ATP6V1E2: variants seen among roughly 807,000 people sequenced by gnomAD.
The protein encoded by ATP6V1E2 is ATPase H+ transporting V1 subunit E2, also known as V-type proton ATPase subunit E 2.
For missense variants in ATP6V1E2, 308 were observed against 273.3 expected (o/e 1.13, Z -0.90); for synonymous variants, 121 against 104.2 (o/e 1.16, Z -0.98).
chr2:46,532,965 C>T (rs1037360751), intron 4 of ATP6V1E2, among the ~76,000 whole-genome samples: 11 of 151,826 alleles, frequency 7.2e-5, no homozygotes, highest in African/African-American at 2.7e-4. Context: ...GTTTTTCTAT[C>T]CCTTTTGTTA....
At chr2:46,536,395 G>C (rs1200182221) in intron 3 of ATP6V1E2, among the ~76,000 whole-genome samples, 2 of 152,232 alleles carry the variant, frequency 1.3e-5, no homozygotes, top group African/African-American at 4.8e-5. Context: ...AGTGCAAAGA[G>C]AAGAGGGTGC....
At chr2:46,513,158 C>CAGGA (rs1159019417) in intron 4 of ATP6V1E2, among the ~76,000 whole-genome samples, 4 of 152,014 alleles carry the variant, frequency 2.6e-5, no homozygotes, top group African/African-American at 9.7e-5. Flanking sequence ...CATTTGGGGT[C>CAGGA]AGGAGGGTTG....
chr2:46,511,949 G>T lies in ATP6V1E2; in HGVS notation c.*82C>A, dbSNP rs539261391. The T allele has an allele frequency of 4.9e-5, 62 of 1,253,234 alleles. No individual in the cohort carries two copies. In the South Asian group the frequency reaches 8.1e-4, roughly 16 times the overall value. The allele number at this position is 1,253,234 out of a possible 1,614,324, so 77.6% of individuals were successfully genotyped here. On this transcript the variant is annotated 3_prime_UTR_variant, in exon 5 of 5. Transcript: ENST00000522587. ...ACAGTATCAGAGCATCAAAGAGGAG[G>T]AAACACTACTAGTTTCCTTTCCCCA... is the stretch of plus-strand genomic sequence containing the variant.
At chr2:46,540,613 CTTTTTTTTTTTTTT>C (rs59810518) in intron 2 of ATP6V1E2, among the ~76,000 whole-genome samples, 187 of 115,592 alleles carry the variant, frequency 1.6e-3, no homozygotes, top group Admixed American at 5.2e-3. Context: ...TTTTCTGTAA[CTTTTTTTTTTTTTT>C]TTTTTTTTTT....
At chr2:46,534,000 T>A (rs1045735666) in intron 4 of ATP6V1E2, among the ~76,000 whole-genome samples, 8 of 152,216 alleles carry the variant, frequency 5.3e-5, no homozygotes. Context: ...AATTTTTTTC[T>A]ACTTATTACT....
At chr2:46,525,908 A>C (rs1666896386) in intron 4 of ATP6V1E2, among the ~76,000 whole-genome samples, 1 of 152,150 alleles carries the variant, frequency 6.6e-6, no homozygotes, top group Non-Finnish European at 1.5e-5. Context: ...CCAAAAAAAA[A>C]AAAAAGCCCT....
intron 4 of ATP6V1E2, among the ~76,000 whole-genome samples, chr2:46,515,158 A>G (rs1406802836): frequency 6.6e-6 from 1 of 152,230 alleles, no homozygotes; most frequent in African/African-American, 2.4e-5. Flanking sequence ...TTGAAACAGA[A>G]GGCCACTAGA....
chr2:46,512,215 T>C lies in ATP6V1E2; in HGVS notation c.497A>G (p.Gln166Arg). ...MTISQKHVEV[Q>R]IDKEAYLAVN... ...AGCCAGGTATGCCTCTTTATCAATCTGGACCTCCACATGTTTCTGGGAAAT... is the reference window on the plus strand; with the variant it reads ...AGCCAGGTATGCCTCTTTATCAATCCGGACCTCCACATGTTTCTGGGAAAT... The change falls in exon 5 of 5, where the codon CAG becomes CGG. Residue 166 changes from glutamine (Q) to arginine (R), a missense_variant. Transcript: ENST00000522587. 6.2e-7 allele frequency: 1 copy of C among 1,614,176 alleles called. No homozygotes were observed. Among genetic ancestry groups the C allele is most frequent in the Non-Finnish European group, 8.5e-7 (1 of 1,180,032 alleles).
chr2:46,540,613 C>CTTTTTTTTTTTTTT (rs59810518), intron 2 of ATP6V1E2, among the ~76,000 whole-genome samples: 10 of 115,612 alleles, frequency 8.6e-5, no homozygotes, highest in South Asian at 3.2e-4. Context: ...TTTTCTGTAA[C>CTTTTTTTTTTTTTT]TTTTTTTTTT....
chr2:46,517,235 A>G (rs533739633), intron 4 of ATP6V1E2, among the ~76,000 whole-genome samples: 1 of 152,350 alleles, frequency 6.6e-6, no homozygotes, highest in East Asian at 1.9e-4. Flanking sequence ...TAATGGGGGA[A>G]AGATAGCCTC....
At chr2:46,514,418 A>G (rs1687620947) in intron 4 of ATP6V1E2, among the ~76,000 whole-genome samples, 1 of 152,234 alleles carries the variant, frequency 6.6e-6, no homozygotes, top group Admixed American at 6.5e-5. Flanking sequence ...GGGATGCTCA[A>G]CAAGCCCAGG....
intron 4 of ATP6V1E2, among the ~76,000 whole-genome samples, chr2:46,531,742 C>T (rs1014687956): frequency 6.6e-6 from 1 of 152,178 alleles, no homozygotes; most frequent in African/African-American, 2.4e-5. Flanking sequence ...AAAGGGGTAC[C>T]TCATTGAGGT....
chr2:46,534,075 T>G (rs1344679823), intron 4 of ATP6V1E2, among the ~76,000 whole-genome samples: 3 of 152,222 alleles, frequency 2.0e-5, no homozygotes, highest in Admixed American at 6.5e-5. Context: ...TTCTCCTACT[T>G]TGGATTTGTT....
intron 4 of ATP6V1E2, among the ~76,000 whole-genome samples, chr2:46,516,070 C>T (rs1687698717): frequency 6.6e-6 from 1 of 152,100 alleles, no homozygotes; most frequent in Non-Finnish European, 1.5e-5. Context: ...GACAGCAATA[C>T]AATAATAGTA....
chr2:46,513,984 T>G (rs2103824048), intron 4 of ATP6V1E2, among the ~76,000 whole-genome samples: 1 of 152,250 alleles, frequency 6.6e-6, no homozygotes, highest in African/African-American at 2.4e-5. Context: ...TTGGAGGATC[T>G]TTAAGAAATA....
chr2:46,539,605 A>G (rs558972396), intron 2 of ATP6V1E2, among the ~76,000 whole-genome samples: 1 of 152,348 alleles, frequency 6.6e-6, no homozygotes, highest in South Asian at 2.1e-4. Context: ...TATGGCTTTC[A>G]GAAGCTCATG....
chr2:46,535,802 C>T lies in ATP6V1E2; in HGVS notation c.-102+11G>A, dbSNP rs1178963949. ...AGGAAGGGATATTCTTTTCTTCCCA[C>T]CAAGGCTCACCATGTAGAAGATTCT... On this transcript the variant is annotated intron_variant, in intron 4 of 4. Transcript: ENST00000522587. This position sits in a 1 kb window ranked among gnomAD's most constrained non-coding sequence, Gnocchi z 4.4. 1 of 152,238 alleles carries T rather than the reference C, an allele frequency of 6.6e-6. No homozygotes were observed. Among genetic ancestry groups the T allele is most frequent in the South Asian group, 2.1e-4 (1 of 4,834 alleles). The allele number at this position is 152,238 out of a possible 1,614,324, so 9.4% of individuals were successfully genotyped here.
chr2:46,537,770 T>C (rs1667522850), intron 2 of ATP6V1E2, among the ~76,000 whole-genome samples: 1 of 152,166 alleles, frequency 6.6e-6, no homozygotes, highest in South Asian at 2.1e-4. Flanking sequence ...GGAGTCCATT[T>C]TTCCATTTCC....
intron 2 of ATP6V1E2, among the ~76,000 whole-genome samples, chr2:46,539,924 A>G (rs116273561): frequency 7.2e-5 from 11 of 152,288 alleles, no homozygotes; most frequent in African/African-American, 2.6e-4. Context: ...TGCTCACACT[A>G]TAGAGTGCTT....
Sources: allele counts gnomAD v4.1 joint callset (sites outside exome capture counted in the v4.1 genomes callset), GRCh38; gene constraint gnomAD v4.1.1; non-coding constraint Gnocchi (gnomAD v3.1); transcripts MANE v1.5; gene names NCBI Gene and HGNC (gene_info 2026-07-23, HGNC 2026-07-21).